CSMD1: variants seen among roughly 807,000 people sequenced by gnomAD.
The protein encoded by CSMD1 is CUB and sushi domain-containing protein 1.
A neutral mutation model predicts 417.5 loss-of-function variants in CSMD1; 213 were observed. That is an observed-to-expected ratio of 0.51 (90% CI 0.46 to 0.57). The LOEUF (loss-of-function observed/expected upper bound fraction) is 0.57, where lower values mean the gene tolerates loss of function less well. Among genes scored for constraint, CSMD1 ranks in the 20% least tolerant of loss-of-function variants. The pLI is 0.00. For synonymous variants in CSMD1, 2,862 were observed against 1,736.8 expected, an observed-to-expected ratio of 1.65 and a Z score of -16.11; for missense variants, 6,923 against 4,529.7, an observed-to-expected ratio of 1.53 and a Z score of -15.17.
At chr8:3,482,727 G>A (rs942646419) in intron 11 of CSMD1, among the ~76,000 whole-genome samples, 1 of 152,102 alleles carries the variant, frequency 6.6e-6, no homozygotes, top group East Asian at 1.9e-4. Flanking sequence ...CACACCCTGG[G>A]CCAGATAATA....
intron 2 of CSMD1, among the ~76,000 whole-genome samples, chr8:4,576,466 G>A (rs535194970): frequency 6.6e-6 from 1 of 152,224 alleles, no homozygotes; most frequent in African/African-American, 2.4e-5. Flanking sequence ...TCGTTTGGCT[G>A]GAAGGTATAT....
chr8:4,775,790 G>C (rs997223996), intron 1 of CSMD1, among the ~76,000 whole-genome samples: 11 of 152,150 alleles, frequency 7.2e-5, no homozygotes, highest in Non-Finnish European at 1.5e-5. Flanking sequence ...ATGCACTGGG[G>C]ATGGGTCCTC....
chr8:4,395,847 G>A (rs1324742542), intron 3 of CSMD1, among the ~76,000 whole-genome samples: 1 of 152,118 alleles, frequency 6.6e-6, no homozygotes, highest in Non-Finnish European at 1.5e-5. Flanking sequence ...GAAAATGATA[G>A]CATGAAAACC....
In CSMD1 at chr8:4,530,059, T is replaced by C. The variant is rs573771314; in HGVS notation, c.302+107283A>G. On this transcript the variant is annotated intron_variant, in intron 2 of 69. Coordinates refer to ENST00000635120, the MANE Select transcript of CSMD1 (RefSeq NM_033225.6). Reference sequence around the variant, plus strand: ...CCTCCAGAGTAGCTGGGACTACAGGTGCCCGCCACCACGCCCGACTAGTTT... The same window carrying C: ...CCTCCAGAGTAGCTGGGACTACAGGCGCCCGCCACCACGCCCGACTAGTTT... Among the ~76,000 whole-genome samples, 816 of 151,770 alleles carry C rather than the reference T, an allele frequency of 5.4e-3. 10 individuals carry two copies. Among genetic ancestry groups the C allele is most frequent in the African/African-American group, 0.018 (764 of 41,446 alleles).
chr8:4,040,561 G>T (rs1422414565), intron 3 of CSMD1, among the ~76,000 whole-genome samples: 1 of 152,174 alleles, frequency 6.6e-6, no homozygotes, highest in African/African-American at 2.4e-5. Flanking sequence ...TAGATCTACG[G>T]TGTTCACAAT....
chr8:3,448,684 C>G (rs1456024082), intron 12 of CSMD1, among the ~76,000 whole-genome samples: 1 of 152,054 alleles, frequency 6.6e-6, no homozygotes, highest in African/African-American at 2.4e-5. Flanking sequence ...GACCCATGAC[C>G]TTCAGGAACT....
At chr8:3,720,460 T>G (rs541078933) in intron 6 of CSMD1, among the ~76,000 whole-genome samples, 3 of 152,266 alleles carry the variant, frequency 2.0e-5, no homozygotes, top group Non-Finnish European at 4.4e-5. Context: ...AATACATGTG[T>G]CCTTTCAGAT....
chr8:3,562,096 T>A (rs1333841701), intron 10 of CSMD1, among the ~76,000 whole-genome samples: 5 of 149,142 alleles, frequency 3.4e-5, no homozygotes, highest in Non-Finnish European at 7.4e-5. Context: ...TTCTTACAGA[T>A]GAACATAACC....
At chr8:4,636,591 T>A (rs1367448354) in intron 2 of CSMD1, among the ~76,000 whole-genome samples, 1 of 152,220 alleles carries the variant, frequency 6.6e-6, no homozygotes, top group African/African-American at 2.4e-5. Context: ...AAACTCACAG[T>A]TGCTTAAAAA....
intron 3 of CSMD1, among the ~76,000 whole-genome samples, chr8:4,312,464 CGTAT>C (rs1274816139): frequency 1.7e-5 from 2 of 119,180 alleles, no homozygotes; most frequent in African/African-American, 8.4e-5. Context: ...TATATATGCG[CGTAT>C]ATATATATAT....
intron 5 of CSMD1, among the ~76,000 whole-genome samples, chr8:3,869,068 C>A (rs985634857): frequency 1.7e-4 from 26 of 152,216 alleles, no homozygotes; most frequent in African/African-American, 6.3e-4. Context: ...GGCTGCCACG[C>A]TGACATGACC....
chr8:4,484,011 T>G (rs537543702), intron 2 of CSMD1, among the ~76,000 whole-genome samples: 7 of 152,224 alleles, frequency 4.6e-5, no homozygotes, highest in African/African-American at 1.7e-4. Context: ...TCCCATTGCC[T>G]GTTGGATGAT....
At chr8:3,403,153 T>G (rs1249710926) in intron 15 of CSMD1, among the ~76,000 whole-genome samples, 1 of 152,226 alleles carries the variant, frequency 6.6e-6, no homozygotes, top group East Asian at 1.9e-4. Context: ...TTGTTAAGGT[T>G]CACTTTGTGG....
intron 12 of CSMD1, among the ~76,000 whole-genome samples, chr8:3,456,146 T>G (rs990587196): frequency 2.0e-5 from 3 of 152,210 alleles, no homozygotes; most frequent in Non-Finnish European, 4.4e-5. Context: ...TGCCATTTGC[T>G]AAGACCTTTA....
chr8:4,186,833 A>AG (rs1347649170), intron 3 of CSMD1, among the ~76,000 whole-genome samples: 2 of 52,882 alleles, frequency 3.8e-5, no homozygotes, highest in East Asian at 6.6e-4. Flanking sequence ...CTAAAAATAC[A>AG]GAAAAAAAAA....
At chr8:4,502,449 C>T (rs571535588) in intron 2 of CSMD1, among the ~76,000 whole-genome samples, 8 of 152,182 alleles carry the variant, frequency 5.3e-5, no homozygotes, top group East Asian at 3.9e-4. Flanking sequence ...TTATAGCTGA[C>T]GAAATAGTAA....
At chr8:4,269,685 C>G (rs1231035994) in intron 3 of CSMD1, among the ~76,000 whole-genome samples, 1 of 152,086 alleles carries the variant, frequency 6.6e-6, no homozygotes, top group Non-Finnish European at 1.5e-5. Flanking sequence ...TTTTTTGTTT[C>G]TTTGCAGTTT....
rs549290420 is a variant in CSMD1 at position 3,935,545 on chromosome 8, G to A, written c.818+62358C>T. Among the ~76,000 whole-genome samples, 19 of 152,194 alleles carry A rather than the reference G, an allele frequency of 1.2e-4. No individual in the cohort carries two copies. The South Asian group carries it at 2.3e-3, about 18-fold the overall frequency. ...TTTTGGTAACTTTCATAATAACCCA[G>A]GCTTCTAGGTATATGATTGTACTTG... On this transcript the variant is annotated intron_variant, in intron 5 of 69. Transcript: ENST00000635120.
At chr8:4,279,795 T>C (rs575077105) in intron 3 of CSMD1, among the ~76,000 whole-genome samples, 15 of 152,094 alleles carry the variant, frequency 9.9e-5, no homozygotes, top group Non-Finnish European at 1.8e-4. Flanking sequence ...GCCAGGAGTG[T>C]TGGATTATGT....
Sources: allele counts gnomAD v4.1 joint callset (sites outside exome capture counted in the v4.1 genomes callset), GRCh38; gene constraint gnomAD v4.1.1; transcripts MANE v1.5; gene names NCBI Gene and HGNC (gene_info 2026-07-23, HGNC 2026-07-21).